Variants in KCNMA1 observed in about 807,000 individuals in gnomAD.
The protein encoded by KCNMA1 is potassium calcium-activated channel subfamily M alpha 1.
Under a neutral mutation model 140.0 loss-of-function variants are expected in KCNMA1, and 29 were observed. That is an observed-to-expected ratio of 0.21 (90% confidence interval 0.15 to 0.28). The LOEUF is 0.28. KCNMA1 is among the 10% of genes least tolerant of loss of function. The probability of loss-of-function intolerance (pLI) is 1.00; values close to 1 mark genes in which losing one functional copy is unlikely to be tolerated. For missense variants in KCNMA1, 880 were observed against 1,602.2 expected, an observed-to-expected ratio of 0.55 and a Z score of 7.70; for synonymous variants, 612 against 611.9, an observed-to-expected ratio of 1.00 and a Z score of 0.00.
At chr10:77,557,032 G>T (rs974309538) in intron 1 of KCNMA1, among the ~76,000 whole-genome samples, 1 of 152,142 alleles carries the variant, frequency 6.6e-6, no homozygotes, top group South Asian at 2.1e-4. Context: ...GATAATGCTG[G>T]CAATTAATTT....
At chr10:77,421,428 A>G (rs2096864492) in intron 1 of KCNMA1, among the ~76,000 whole-genome samples, 1 of 152,228 alleles carries the variant, frequency 6.6e-6, no homozygotes, top group Non-Finnish European at 1.5e-5. Context: ...TCTTTGCTTC[A>G]CTAGACTAGA....
chr10:77,180,834 C>A (rs1317524409), intron 5 of KCNMA1, among the ~76,000 whole-genome samples: 1 of 152,178 alleles, frequency 6.6e-6, no homozygotes, highest in Non-Finnish European at 1.5e-5. Context: ...TTCATTTCCA[C>A]CTCTTTTATT....
intron 1 of KCNMA1, among the ~76,000 whole-genome samples, chr10:77,443,528 G>C (rs1363526996): frequency 6.6e-6 from 1 of 152,100 alleles, no homozygotes; most frequent in Non-Finnish European, 1.5e-5. Context: ...CAGCACACGA[G>C]GAATCTACCC....
intron 1 of KCNMA1, among the ~76,000 whole-genome samples, chr10:77,592,416 A>G (rs2079488696): frequency 6.6e-6 from 1 of 152,244 alleles, no homozygotes; most frequent in Non-Finnish European, 1.5e-5. Flanking sequence ...TTTGACATGC[A>G]GTTTTAGACC....
At chr10:77,160,747 G>A (rs1276854296) in intron 5 of KCNMA1, among the ~76,000 whole-genome samples, 2 of 152,226 alleles carry the variant, frequency 1.3e-5, no homozygotes, top group Non-Finnish European at 2.9e-5. Context: ...TTGAACAGCT[G>A]TGGAAATGTC....
At chr10:77,114,610 C>T (rs2097407142) in intron 6 of KCNMA1, among the ~76,000 whole-genome samples, 1 of 152,212 alleles carries the variant, frequency 6.6e-6, no homozygotes, top group African/African-American at 2.4e-5. Context: ...CCCTTCCCAT[C>T]TAGTCAAATT....
rs77578321 is a variant in KCNMA1, at chr10:77,539,377, A to G, written c.378+97888T>C. 5.0e-3 allele frequency among the ~76,000 whole-genome samples: 757 copies of G among 152,316 alleles called. 36 individuals are homozygous for G. The East Asian group carries it at 0.11, about 23-fold the overall frequency. The stretch of plus-strand genomic sequence containing the variant: ...CAACGTATCCACTAAAATACCTGCA[A>G]TTCTAGTTTTACAGGTAAGAGAATA... On this transcript the variant is annotated intron_variant, in intron 1 of 27. Coordinates refer to ENST00000286628, the MANE Select transcript of KCNMA1 (RefSeq NM_001161352.2).
intron 1 of KCNMA1, among the ~76,000 whole-genome samples, chr10:77,492,200 G>C (rs4979887): frequency 0.031 from 4,712 of 152,244 alleles, 273 homozygotes; most frequent in African/African-American, 0.11. Flanking sequence ...TCCCCAACCT[G>C]ATGTTCTCAG....
At chr10:77,454,102 T>C (rs2097713531) in intron 1 of KCNMA1, among the ~76,000 whole-genome samples, 1 of 152,204 alleles carries the variant, frequency 6.6e-6, no homozygotes, top group African/African-American at 2.4e-5. Context: ...ATAGGAGTAC[T>C]AAGATATCCA....
downstream of KCNMA1, chr10:76,873,621 A>T (rs1285376458): frequency 6.6e-6 from 1 of 152,258 alleles, no homozygotes; most frequent in East Asian, 1.9e-4. Flanking sequence ...ACAAAACAGA[A>T]AATGGACAGA....
intron 5 of KCNMA1, among the ~76,000 whole-genome samples, chr10:77,134,493 C>T (rs1359134731): frequency 2.6e-5 from 4 of 151,862 alleles, no homozygotes; most frequent in Admixed American, 2.0e-4. Flanking sequence ...AAAATGTGCA[C>T]CATATACAAA....
chr10:77,533,246 C>T (rs935477270), intron 1 of KCNMA1, among the ~76,000 whole-genome samples: 1 of 152,098 alleles, frequency 6.6e-6, no homozygotes, highest in African/African-American at 2.4e-5. Context: ...GCAGGGGATT[C>T]AACAAGGTCA....
At chr10:77,566,429 C>A (rs2068343255) in intron 1 of KCNMA1, among the ~76,000 whole-genome samples, 1 of 152,182 alleles carries the variant, frequency 6.6e-6, no homozygotes, top group Non-Finnish European at 1.5e-5. Context: ...TCTGGAGTGT[C>A]CTGATGCTGG....
intron 2 of KCNMA1, among the ~76,000 whole-genome samples, chr10:77,281,214 G>A (rs1428792126): frequency 6.6e-6 from 1 of 152,146 alleles, no homozygotes; most frequent in East Asian, 1.9e-4. Context: ...CCTGAGCCCT[G>A]GCAAGTGCCA....
intron 1 of KCNMA1, among the ~76,000 whole-genome samples, chr10:77,578,140 AC>A (rs1297294516): frequency 6.6e-6 from 1 of 152,234 alleles, no homozygotes; most frequent in East Asian, 1.9e-4. Context: ...GTTTGGCCTC[AC>A]CAGTGGGCCT....
chr10:76,888,612 CAT>C (rs1481498033), intron 27 of KCNMA1, among the ~76,000 whole-genome samples: 2 of 152,004 alleles, frequency 1.3e-5, no homozygotes, highest in African/African-American at 4.8e-5. Context: ...TATTTTAATG[CAT>C]ATGAGAAAAA....
intron 2 of KCNMA1, among the ~76,000 whole-genome samples, chr10:77,274,572 T>C: frequency 6.6e-6 from 1 of 152,176 alleles, no homozygotes; most frequent in Non-Finnish European, 1.5e-5. Context: ...GCACAGACAC[T>C]AGCAGAGCTG....
chr10:76,976,811 G>C (rs1241251798), intron 19 of KCNMA1, among the ~76,000 whole-genome samples: 1 of 151,902 alleles, frequency 6.6e-6, no homozygotes, highest in Non-Finnish European at 1.5e-5. Context: ...TTACCTCAAG[G>C]GCAAAGAAAA....
intron 23 of KCNMA1, among the ~76,000 whole-genome samples, chr10:76,926,257 A>G (rs2057655940): frequency 6.6e-6 from 1 of 152,182 alleles, no homozygotes; most frequent in Admixed American, 6.5e-5. Flanking sequence ...GAACTTGAAC[A>G]CTGTGGCTAG....
Sources: allele counts gnomAD v4.1 joint callset (sites outside exome capture counted in the v4.1 genomes callset), GRCh38; gene constraint gnomAD v4.1.1; transcripts MANE v1.5; gene names NCBI Gene and HGNC (gene_info 2026-07-23, HGNC 2026-07-21).